The following EIF4G3 variants were observed in gnomAD, a reference collection of about 807,000 sequenced individuals.
EIF4G3 encodes eukaryotic translation initiation factor 4 gamma 3, also known as eIF-4-gamma 3.
EIF4G3 carries 34 observed loss-of-function variants against 186.4 expected under a neutral mutation model. The observed-to-expected ratio is 0.18, with a 90% CI of 0.14 to 0.24. EIF4G3 has a LOEUF of 0.24. Ranked by LOEUF, EIF4G3 falls within the 10% of genes least tolerant of loss-of-function variation. The pLI is 1.00. For missense variants in EIF4G3, 1,536 were observed against 1,948.5 expected, an observed-to-expected ratio of 0.79 and a Z score of 3.99; for synonymous variants, 673 against 679.5, an observed-to-expected ratio of 0.99 and a Z score of 0.15.
At chr1:21,075,570 C>CAAAAAAAAAAAAAAAAAAAAAAA (rs55649192) in intron 3 of EIF4G3, among the ~76,000 whole-genome samples, 14 of 51,556 alleles carry the variant, frequency 2.7e-4, no homozygotes, top group Non-Finnish European at 3.4e-4. Flanking sequence ...CTCCAACTCA[C>CAAAAAAAAAAAAAAAAAAAAAAA]AAAAAAAAAA....
chr1:21,174,387 CCAAA>C (rs1255712559), intron 2 of EIF4G3, among the ~76,000 whole-genome samples: 1 of 152,172 alleles, frequency 6.6e-6, no homozygotes, highest in Non-Finnish European at 1.5e-5. Context: ...ACCCAATTCA[CCAAA>C]CAGTGTCACA....
intron 16 of EIF4G3, 103 bp downstream of exon 16, chr1:20,899,594 A>T: frequency 7.2e-7 from 1 of 1,385,538 alleles, no homozygotes; most frequent in Non-Finnish European, 9.8e-7. Flanking sequence ...TATTGTGATA[A>T]ACCTCTTTCT....
chr1:20,893,399 CT>C, intron 18 of EIF4G3, 117 bp downstream of exon 18: 4 of 851,160 alleles, frequency 4.7e-6, no homozygotes, highest in Non-Finnish European at 5.0e-6. Context: ...GTCTTTGCCT[CT>C]TCTTCTTCTT....
chr1:21,048,279 C>T (rs1168418213), intron 4 of EIF4G3, among the ~76,000 whole-genome samples: 1 of 152,142 alleles, frequency 6.6e-6, no homozygotes, highest in African/African-American at 2.4e-5. Context: ...GAAAACTAAG[C>T]TATTTCCCTT....
At chr1:21,073,385 C>T (rs1469566976) in intron 3 of EIF4G3, among the ~76,000 whole-genome samples, 5 of 152,096 alleles carry the variant, frequency 3.3e-5, no homozygotes, top group African/African-American at 1.2e-4. Flanking sequence ...ATTGCATTAA[C>T]CACGTTTCAA....
intron 4 of EIF4G3, among the ~76,000 whole-genome samples, chr1:21,009,257 T>C (rs1426790568): frequency 1.3e-5 from 2 of 152,232 alleles, no homozygotes; most frequent in African/African-American, 4.8e-5. Flanking sequence ...CACAGCTCAC[T>C]GCAGCCTCAG....
intron 14 of EIF4G3, among the ~76,000 whole-genome samples, chr1:20,908,357 C>G (rs543563032): frequency 6.6e-6 from 1 of 152,224 alleles, no homozygotes; most frequent in African/African-American, 2.4e-5. Flanking sequence ...TGTTTTTCTT[C>G]AGAGCTGTTT....
intron 4 of EIF4G3, among the ~76,000 whole-genome samples, chr1:21,022,810 C>T (rs2091059178): frequency 6.6e-6 from 1 of 152,212 alleles, no homozygotes; most frequent in Non-Finnish European, 1.5e-5. Context: ...ATTACAGTAT[C>T]ACCTCACTGT....
In EIF4G3 at chr1:20,838,810, G is replaced by A. The variant is rs1396265493; in HGVS notation, c.4061+2046C>T. 2.0e-5 allele frequency among the ~76,000 whole-genome samples: 3 copies of A among 152,058 alleles called. No individual in the cohort carries two copies. The East Asian group carries it at 5.8e-4, about 29-fold the overall frequency. On this transcript the variant is annotated intron_variant, in intron 30 of 36. Coordinates refer to ENST00000602326, the MANE Select transcript of EIF4G3 (RefSeq NM_001391906.1). ...TTCTGCCTCAACCTCCCAAGTAGCT[G>A]GGACTATAGCGGCACACCACCATGC...
At chr1:20,851,569 A>C (rs2073285728) in intron 27 of EIF4G3, 91 bp from the exon 28 acceptor site, 1 of 1,247,102 alleles carries the variant, frequency 8.0e-7, no homozygotes, top group Non-Finnish European at 1.1e-6. Flanking sequence ...ACTTTCTGAA[A>C]GTATACAGAA....
At chr1:21,144,008 T>C (rs2097390228) in intron 2 of EIF4G3, among the ~76,000 whole-genome samples, 2 of 152,220 alleles carry the variant, frequency 1.3e-5, no homozygotes, top group Non-Finnish European at 2.9e-5. Context: ...TCAAGGTTCA[T>C]AGGCATGAGA....
intron 6 of EIF4G3, chr1:20,999,333 A>C (rs1156577921): frequency 2.7e-6 from 1 of 370,420 alleles, no homozygotes; most frequent in South Asian, 2.0e-5. Context: ...TTTTCCAATT[A>C]GGAGAAGAAA....
At chr1:21,000,054 C>T (rs547701148) in intron 6 of EIF4G3, among the ~76,000 whole-genome samples, 83 of 151,082 alleles carry the variant, frequency 5.5e-4, no homozygotes, top group Admixed American at 1.1e-3. Flanking sequence ...TCAATGGTTA[C>T]GTTACTACAA....
chr1:20,812,520 A>G (rs936102788), intron 35 of EIF4G3, among the ~76,000 whole-genome samples: 2 of 152,218 alleles, frequency 1.3e-5, no homozygotes, highest in African/African-American at 4.8e-5. Flanking sequence ...ACACCTTTGC[A>G]CTGATGAATT....
chr1:21,174,525 A>C (rs1342967473), intron 2 of EIF4G3, among the ~76,000 whole-genome samples: 1 of 152,232 alleles, frequency 6.6e-6, no homozygotes, highest in African/African-American at 2.4e-5. Flanking sequence ...GTGGTAGCAC[A>C]ATTCAGAAAC....
chr1:20,952,417 G>A (rs1314213509), intron 12 of EIF4G3, among the ~76,000 whole-genome samples: 3 of 152,102 alleles, frequency 2.0e-5, no homozygotes, highest in African/African-American at 7.2e-5. Flanking sequence ...ACATCCCAAA[G>A]TGCTGGGATT....
intron 4 of EIF4G3, among the ~76,000 whole-genome samples, chr1:21,009,697 C>A (rs2154569712): frequency 6.6e-6 from 1 of 152,026 alleles, no homozygotes; most frequent in East Asian, 2.0e-4. Context: ...CTCTGTCGCC[C>A]AGGCTGGAGT....
chr1:21,172,408 C>T (rs1160772734), intron 2 of EIF4G3, among the ~76,000 whole-genome samples: 1 of 152,180 alleles, frequency 6.6e-6, no homozygotes, highest in Non-Finnish European at 1.5e-5. Context: ...TCTTTGAGGG[C>T]AAAGATTTCT....
chr1:20,813,056 TAGG>T (rs1275014190), intron 35 of EIF4G3, 99 bp downstream of exon 35: 2 of 776,582 alleles, frequency 2.6e-6, no homozygotes, highest in East Asian at 2.7e-5. Context: ...GTGAGCTACA[TAGG>T]AGAAGTTTTG....
Sources: gnomAD v4.1 joint callset for allele counts (sites outside exome capture counted in the v4.1 genomes callset) on GRCh38, gnomAD v4.1.1 for gene constraint, MANE v1.5 for transcripts, NCBI Gene and HGNC (gene_info 2026-07-23, HGNC 2026-07-21) for gene names.